GALNTL6: variants seen among roughly 807,000 people sequenced by gnomAD.
The protein encoded by GALNTL6 is polypeptide N-acetylgalactosaminyltransferase like 6.
In GALNTL6, 46 loss-of-function variants were observed where a neutral mutation model predicts 73.7. The ratio of observed to expected loss-of-function variants is 0.62; its 90% CI spans 0.49 to 0.80. The LOEUF (loss-of-function observed/expected upper bound fraction) is 0.80, where lower values mean the gene tolerates loss of function less well. GALNTL6 is among the 30% of genes least tolerant of loss of function. The pLI, the probability that GALNTL6 is intolerant of heterozygous loss-of-function variation, is 0.00. For synonymous variants in GALNTL6, 259 were observed against 263.7 expected (o/e 0.98, Z 0.17); for missense variants, 604 against 755.0 (o/e 0.80, Z 2.34).
At chr4:172,827,588 C>T (rs2111043208) in intron 7 of GALNTL6, among the ~76,000 whole-genome samples, 1 of 152,300 alleles carries the variant, frequency 6.6e-6, no homozygotes, top group South Asian at 2.1e-4. Flanking sequence ...AGAACTGGGC[C>T]AAAACCTCCC....
At chr4:171,953,225 CGT>C (rs36214606) in intron 2 of GALNTL6, among the ~76,000 whole-genome samples, 20,176 of 146,946 alleles carry the variant, frequency 0.14, 1,394 homozygotes, top group Middle Eastern at 0.17. Flanking sequence ...CGCATGCGCA[CGT>C]GTGTGTGTGT....
chr4:173,016,698 G>T (rs1752797999), intron 11 of GALNTL6, among the ~76,000 whole-genome samples: 1 of 152,160 alleles, frequency 6.6e-6, no homozygotes, highest in Admixed American at 6.5e-5. Context: ...TACTTGCCTT[G>T]TCTCAGATGA....
At chr4:171,943,489 C>T (rs332995) in intron 2 of GALNTL6, among the ~76,000 whole-genome samples, 106,752 of 152,066 alleles carry the variant, frequency 0.7, 39,082 homozygotes, top group Admixed American at 0.82. Flanking sequence ...TGTTTCACTA[C>T]ATTCAACACT....
intron 5 of GALNTL6, among the ~76,000 whole-genome samples, chr4:172,710,013 CA>C (rs1394160039): frequency 1.3e-5 from 2 of 151,774 alleles, no homozygotes; most frequent in Non-Finnish European, 2.9e-5. Flanking sequence ...TGGCAATTCA[CA>C]AAAAAATTTA....
intron 12 of GALNTL6, among the ~76,000 whole-genome samples, chr4:173,037,935 G>T: frequency 6.6e-6 from 1 of 152,110 alleles, no homozygotes; most frequent in South Asian, 2.1e-4. Flanking sequence ...TAGAGACGGG[G>T]TTTCACCATG....
intron 8 of GALNTL6, among the ~76,000 whole-genome samples, chr4:172,922,534 T>C (rs1438590210): frequency 6.6e-6 from 1 of 152,000 alleles, no homozygotes; most frequent in Non-Finnish European, 1.5e-5. Context: ...AAGTAGTGCA[T>C]AGTGATATCC....
chr4:173,009,256 G>C lies in GALNTL6; in HGVS notation c.1450G>C (p.Val484Leu), dbSNP rs201835999. 224 of 1,613,930 alleles carry C rather than the reference G, an allele frequency of 1.4e-4. 3 individuals carry two copies. The East Asian group carries it at 4.7e-3, about 34-fold the overall frequency. ...AACAGAGCTGAGGCTGGACATCTGT[G>C]TCAAGGATGGTTCTGAAAGAACATG... is the stretch of plus-strand genomic sequence containing the variant. ...TGTELRLDICVKDGSERTWSH... is the reference protein window; with the variant it reads ...TGTELRLDICLKDGSERTWSH... The change falls in exon 11 of 13, where the codon GTC becomes CTC. Residue 484 changes from valine to leucine, a missense_variant. Around this residue, in one of 5 missense-constraint regions of GALNTL6, gnomAD observed 261 missense variants for 296.5 expected, o/e 0.88. Transcript: ENST00000506823.
Position 172,736,551 on chromosome 4 carries a change from G to A in GALNTL6, c.554-72810G>A, listed in dbSNP as rs138222777. Among the ~76,000 whole-genome samples, 912 of 152,258 alleles carry A rather than the reference G, an allele frequency of 6.0e-3. 11 individuals are homozygous for A. The highest frequency in any genetic ancestry group is 0.021 in the African/African-American group (874 of 41,530). ...GTGCAGATAACGCAATCATCACAGG[G>A]TCCTGAGGTGACATACATCCTCAGC... On this transcript the variant is annotated intron_variant, in intron 5 of 12. Transcript: ENST00000506823.
chr4:172,829,816 C>A lies in GALNTL6; in HGVS notation c.923+16093C>A, dbSNP rs192329835. ...AAAATTCATCTTGGTCTGATGAATACTTTCTTCCAGTTTTATTTGAGAAAT... is the reference window on the plus strand; with the variant it reads ...AAAATTCATCTTGGTCTGATGAATAATTTCTTCCAGTTTTATTTGAGAAAT... On this transcript the variant is annotated intron_variant, in intron 7 of 12. Transcript: ENST00000506823. Among the ~76,000 whole-genome samples the A allele has an allele frequency of 1.5e-3, 223 of 152,288 alleles. 2 individuals carry two copies. Among genetic ancestry groups the A allele is most frequent in the Non-Finnish European group, 2.5e-3 (168 of 68,030 alleles).
intron 4 of GALNTL6, among the ~76,000 whole-genome samples, chr4:172,322,519 T>TA (rs1466167952): frequency 2.0e-5 from 3 of 152,170 alleles, no homozygotes; most frequent in African/African-American, 7.2e-5. Context: ...AAAAAAGTTT[T>TA]AATTGCCTCA....
chr4:172,451,691 T>C (rs948929266), intron 5 of GALNTL6, among the ~76,000 whole-genome samples: 2 of 152,130 alleles, frequency 1.3e-5, no homozygotes, highest in Admixed American at 6.5e-5. Flanking sequence ...AGAAAAGTCA[T>C]CAGCAAACAA....
rs912937850 is a variant in GALNTL6, at chr4:172,862,651, C to A, written c.924-20139C>A. Among the ~76,000 whole-genome samples the A allele has an allele frequency of 1.3e-5, 2 of 151,858 alleles. 1 individual carries two copies. The highest frequency in any genetic ancestry group is 4.2e-4 in the South Asian group (2 of 4,812). On this transcript the variant is annotated intron_variant, in intron 7 of 12. Coordinates refer to ENST00000506823, the MANE Select transcript of GALNTL6 (RefSeq NM_001034845.3). ...GGAGGTGGAGGTTGCGGTGAGCCAA[C>A]ATCACAGTACTGCACTCCAGCCTGG...
At chr4:172,912,580 C>T (rs528669908) in intron 8 of GALNTL6, among the ~76,000 whole-genome samples, 1 of 152,340 alleles carries the variant, frequency 6.6e-6, no homozygotes, top group Admixed American at 6.5e-5. Context: ...CCATGCTTGG[C>T]TCACCAGGTC....
In GALNTL6 at chr4:172,546,374, T is replaced by A. The variant is rs754021763; in HGVS notation, c.553+197685T>A. ...AGTGATCAAATTTCTACCTGCACAATGTTGACTATTCCCATGATAGTTATA... is the reference window on the plus strand; with the variant it reads ...AGTGATCAAATTTCTACCTGCACAAAGTTGACTATTCCCATGATAGTTATA... On this transcript the variant is annotated intron_variant, in intron 5 of 12. Transcript: ENST00000506823. 2.0e-5 allele frequency among the ~76,000 whole-genome samples: 3 copies of A among 152,226 alleles called. No individual in the cohort carries two copies. In the East Asian group the frequency reaches 5.8e-4, roughly 29 times the overall value.
intron 10 of GALNTL6, among the ~76,000 whole-genome samples, chr4:172,994,929 T>A (rs1369404011): frequency 6.6e-6 from 1 of 152,196 alleles, no homozygotes; most frequent in African/African-American, 2.4e-5. Context: ...TAGACCATAT[T>A]TTCAACCTGC....
intron 5 of GALNTL6, among the ~76,000 whole-genome samples, chr4:172,651,231 A>G (rs1485587732): frequency 1.3e-5 from 2 of 152,220 alleles, no homozygotes; most frequent in Admixed American, 1.3e-4. Flanking sequence ...CAGTGAGAAA[A>G]GACAACAAGC....
At chr4:171,928,850 C>A (rs1364798869) in intron 2 of GALNTL6, among the ~76,000 whole-genome samples, 3 of 152,090 alleles carry the variant, frequency 2.0e-5, no homozygotes, top group African/African-American at 7.2e-5. Flanking sequence ...TCTATACCAT[C>A]TGGGTTATTG....
At position 172,121,643 on chromosome 4, in the gene GALNTL6, C is replaced by T. The variant is rs1002530371; in HGVS notation, c.139-108013C>T. Among the ~76,000 whole-genome samples the T allele has an allele frequency of 2.6e-5, 4 of 152,112 alleles. No homozygotes were observed. The South Asian group carries it at 6.2e-4, about 24-fold the overall frequency. ...GTCAGTGTCAAAACTTTCTTATCTACATTTGAGCAATTTCAAAGGAGGTAT... is the reference window on the plus strand; with the variant it reads ...GTCAGTGTCAAAACTTTCTTATCTATATTTGAGCAATTTCAAAGGAGGTAT... On this transcript the variant is annotated intron_variant, in intron 2 of 12. Coordinates refer to ENST00000506823, the MANE Select transcript of GALNTL6 (RefSeq NM_001034845.3).
chr4:172,196,708 A>G (rs1641652125), intron 2 of GALNTL6, among the ~76,000 whole-genome samples: 2 of 152,222 alleles, frequency 1.3e-5, no homozygotes, highest in South Asian at 2.1e-4. Flanking sequence ...CATTATCTCA[A>G]TAGATGCAGA....
Sources: gnomAD v4.1 joint callset for allele counts (sites outside exome capture counted in the v4.1 genomes callset) on GRCh38, gnomAD v4.1.1 for gene constraint, gnomAD v4.1.1 regional missense constraint, MANE v1.5 for transcripts, NCBI Gene and HGNC (gene_info 2026-07-23, HGNC 2026-07-21) for gene names.